Variants in PPFIA4 observed in about 807,000 individuals in gnomAD.
PPFIA4 encodes the protein PPFI scaffold protein A4.
Under a neutral mutation model 145.7 loss-of-function variants are expected in PPFIA4, and 98 were observed. The ratio of observed to expected loss-of-function variants is 0.67; its 90% CI spans 0.57 to 0.80. PPFIA4 has a LOEUF of 0.80. Ranked by LOEUF, PPFIA4 falls within the 30% of genes least tolerant of loss-of-function variation. The pLI, the probability that PPFIA4 is intolerant of heterozygous loss-of-function variation, is 0.00. For synonymous variants in PPFIA4, 628 were observed against 649.6 expected (o/e 0.97, Z 0.51); for missense variants, 1,457 against 1,632.7 (o/e 0.89, Z 1.85).
rs1662457652 is a variant in PPFIA4, at chr1:203,075,452, TC to T, written c.3394-122del. 2.8e-6 allele frequency: 2 copies of T among 726,392 alleles called. No individual in the cohort carries two copies. The highest frequency in any genetic ancestry group is 3.8e-6 in the Non-Finnish European group (2 of 521,162). The allele number at this position is 726,392 out of a possible 1,614,324, so 45.0% of individuals were successfully genotyped here. ...GGCTAGAAAGGGGAAGTGACCTCGC[TC>T]CCTCTTTCCAAAGGGGTGGGAGTGG... On this transcript the variant is annotated intron_variant, in intron 28 of 29. Coordinates refer to ENST00000295706, the MANE Select transcript of PPFIA4 (RefSeq NM_001304331.2). This position sits in a 1 kb window ranked among gnomAD's most constrained non-coding sequence, Gnocchi z 4.1.
At chr1:203,049,812 T>C (rs1558080172) in intron 13 of PPFIA4, 45 bp downstream of exon 13, 2 of 1,444,868 alleles carry the variant, frequency 1.4e-6, no homozygotes, top group Non-Finnish European at 1.8e-6. Flanking sequence ...GGGGTCCTGA[T>C]GGACCGTGAG....
At chr1:203,054,111 T>G (rs866704974) in intron 15 of PPFIA4, 150 bp downstream of exon 15, 2 of 877,328 alleles carry the variant, frequency 2.3e-6, no homozygotes, top group Non-Finnish European at 3.6e-6. Flanking sequence ...TCAGGCCCGC[T>G]GCCAGTGCCG....
intron 19 of PPFIA4, 131 bp from the exon 20 acceptor site, chr1:203,059,047 A>G (rs1161320893): frequency 1.5e-6 from 1 of 682,532 alleles, no homozygotes; most frequent in Non-Finnish European, 2.6e-6. Flanking sequence ...AGCTCCAGGA[A>G]TAATGGTCCC....
chr1:203,056,894 G>C lies in PPFIA4; in HGVS notation c.2351G>C (p.Gly784Ala). 6.2e-7 allele frequency: 1 copy of C among 1,614,088 alleles called. No homozygotes were observed. Among genetic ancestry groups the C allele is most frequent in the African/African-American group, 1.3e-5 (1 of 75,070 alleles). Residue 784 changes from glycine (G) to alanine (A), a missense_variant, in exon 19 of 30, where the codon GGG (glycine) becomes GCG (alanine). Physicochemically the swap from Gly to Ala is moderately conservative, Grantham distance 60 (BLOSUM62 0). This residue lies in a region of PPFIA4 where 848 missense variants were observed against 1,046.7 expected (regional missense o/e 0.81). Coordinates refer to ENST00000295706, the MANE Select transcript of PPFIA4 (RefSeq NM_001304331.2). ...AAGTCGTCCATTGGCCGCCTGTTTG[G>C]GAAGAAGGAGAAGGGCAGGCTGATC... is the stretch of plus-strand genomic sequence containing the variant. ...GIKSSIGRLFGKKEKGRLIQL... is the reference protein window; with the variant it reads ...GIKSSIGRLFAKKEKGRLIQL...
At position 203,055,945 on chromosome 1, in the gene PPFIA4, C is replaced by G. The variant is rs1660907121; in HGVS notation, c.2071-175C>G. ...CTTCCTTTCTTCCAGAGAAATAAGC[C>G]CTGGCTTGTTTTTCTAGGCCAGCTT... On this transcript the variant is annotated intron_variant, in intron 16 of 29. Coordinates refer to ENST00000295706, the MANE Select transcript of PPFIA4 (RefSeq NM_001304331.2). The surrounding 1 kb of genome is among the most constrained non-coding windows in gnomAD (Gnocchi z 4.8). Among the ~76,000 whole-genome samples the G allele has an allele frequency of 6.6e-6, 1 of 151,914 alleles. No individual in the cohort carries two copies.
At chr1:203,070,224 C>T (rs976285673) in intron 27 of PPFIA4, among the ~76,000 whole-genome samples, 37 of 152,140 alleles carry the variant, frequency 2.4e-4, no homozygotes, top group African/African-American at 6.7e-4. Flanking sequence ...TTCCTGACCC[C>T]GTCATTGAGC....
Position 203,047,087 on chromosome 1 carries a change from C to T in PPFIA4, c.1140+705C>T, listed in dbSNP as rs1660139370. ...GTCAGCCTCATATGGGATCTTCGAA[C>T]CCGTGGCGAGAAGAAAACCGGTGTT... On this transcript the variant is annotated intron_variant, in intron 9 of 29. Transcript: ENST00000295706. Among the ~76,000 whole-genome samples the T allele has an allele frequency of 2.0e-5, 3 of 152,274 alleles. No individual in the cohort carries two copies. In the South Asian group the frequency reaches 6.2e-4, roughly 32 times the overall value.
chr1:203,035,390 C>T, intron 1 of PPFIA4: 1 of 444,176 alleles, frequency 2.3e-6, no homozygotes, highest in Admixed American at 2.4e-5. Flanking sequence ...GCCCATCCCT[C>T]CTGTGTGTTA....
Position 203,048,344 on chromosome 1 carries a change from C to T in PPFIA4, c.1224+34C>T, listed in dbSNP as rs751335461. 3.7e-6 allele frequency: 6 copies of T among 1,601,912 alleles called. No individual in the cohort carries two copies. The highest frequency in any genetic ancestry group is 2.2e-5 in the East Asian group (1 of 44,506). On this transcript the variant is annotated intron_variant, in intron 10 of 29. Transcript: ENST00000295706. The surrounding 1 kb of genome is among the most constrained non-coding windows in gnomAD (Gnocchi z 5.8). ...ACCAGGCCGGGCCCTCAGGCCCCCT[C>T]CTTCCCGCAGGACAGGCTCCCAGGG... is the stretch of plus-strand genomic sequence containing the variant.
In PPFIA4 at chr1:203,076,446, TGA is replaced by T; in HGVS notation, c.*57_*58del. 7 of 1,514,562 alleles carry T rather than the reference TGA, an allele frequency of 4.6e-6. No homozygotes were observed. The Admixed American group carries it at 1.0e-4, about 22-fold the overall frequency. The allele number at this position is 1,514,562 out of a possible 1,614,324, so 93.8% of individuals were successfully genotyped here. A position where few individuals can be genotyped will look rare whatever the true frequency, so the allele number is the denominator to read the frequency against. Reference sequence around the variant, plus strand: ...TGGGTTTCACAGGCTCCTCTGGCCCTGACCCCTCTTGCTCGTTCCCCTTCCTT... The same window carrying T: ...TGGGTTTCACAGGCTCCTCTGGCCCTCCCCTCTTGCTCGTTCCCCTTCCTT... On this transcript the variant is annotated 3_prime_UTR_variant, in exon 30 of 30. Transcript: ENST00000295706.
chr1:203,043,377 G>A lies in PPFIA4; in HGVS notation c.235-20G>A, dbSNP rs1255089459. ...TTGGGGGTGAATCCTGAAGCACTGA[G>A]GGGCCTTGGGGGTTTTCAGGAATTT... On this transcript the variant is annotated intron_variant, in intron 2 of 29. Coordinates refer to ENST00000295706, the MANE Select transcript of PPFIA4 (RefSeq NM_001304331.2). The surrounding 1 kb of genome is among the most constrained non-coding windows in gnomAD (Gnocchi z 4.4). 4 of 1,595,930 alleles carry A rather than the reference G, an allele frequency of 2.5e-6. No individual in the cohort carries two copies. Among genetic ancestry groups the A allele is most frequent in the East Asian group, 2.3e-5 (1 of 44,298 alleles).
At chr1:203,034,545 A>AG in intron 1 of PPFIA4, 1 of 455,698 alleles carries the variant, frequency 2.2e-6, no homozygotes, top group South Asian at 1.6e-5. Flanking sequence ...CGCCTATGGG[A>AG]GTGGGGGGCA....
At chr1:203,037,835 C>A (rs1004847658) in intron 1 of PPFIA4, among the ~76,000 whole-genome samples, 1 of 152,164 alleles carries the variant, frequency 6.6e-6, no homozygotes, top group Non-Finnish European at 1.5e-5. Context: ...CTCTATATCA[C>A]CCCTGGGTTC....
intron 13 of PPFIA4, chr1:203,051,378 T>C: frequency 1.1e-6 from 1 of 941,870 alleles, no homozygotes; most frequent in Non-Finnish European, 1.3e-6. Context: ...CCTTCCAACA[T>C]CTCCCAGTGC....
Position 203,043,560 on chromosome 1 carries a change from G to A in PPFIA4, c.336+62G>A. Reference sequence around the variant, plus strand: ...TGTGTGTGTGTGTGTATGGGGGTGTGTTGTGAACACCTTGACCAAGAGAGC... The same window carrying A: ...TGTGTGTGTGTGTGTATGGGGGTGTATTGTGAACACCTTGACCAAGAGAGC... On this transcript the variant is annotated intron_variant, in intron 3 of 29. Transcript: ENST00000295706. The surrounding 1 kb of genome is among the most constrained non-coding windows in gnomAD (Gnocchi z 4.4). The A allele has an allele frequency of 7.0e-7, 1 of 1,433,236 alleles. No homozygotes were observed. The highest frequency in any genetic ancestry group is 9.6e-7 in the Non-Finnish European group (1 of 1,038,850). 88.8% of individuals were successfully genotyped at this position (1,433,236 alleles called of 1,614,324 possible).
At chr1:203,056,659 C>T (rs993512859) in intron 18 of PPFIA4, 125 bp from the exon 19 acceptor site, 1 of 1,305,444 alleles carries the variant, frequency 7.7e-7, no homozygotes, top group Non-Finnish European at 1.1e-6. Context: ...GTTCATGTGT[C>T]TCCTTTTCCC....
At chr1:203,046,150 C>T in intron 8 of PPFIA4, 98 bp from the exon 9 acceptor site, 1 of 1,525,840 alleles carries the variant, frequency 6.6e-7, no homozygotes. Context: ...TTGTCCCTTG[C>T]TGCTTCTGAC....
rs996987898 is a variant in PPFIA4, at chr1:203,078,180, G to C, written c.*1790G>C. ...GTGTTCCCTGGCCTCCCTGCCATCA[G>C]GTTGCTGGGAGTGGAGATGGAGGGA... On this transcript the variant is annotated 3_prime_UTR_variant, in exon 30 of 30. Transcript: ENST00000295706. 2 of 152,370 alleles carry C rather than the reference G, an allele frequency of 1.3e-5. No individual in the cohort carries two copies. Among genetic ancestry groups the C allele is most frequent in the African/African-American group, 2.4e-5 (1 of 41,478 alleles). 9.4% of individuals were successfully genotyped at this position (152,370 alleles called of 1,614,324 possible).
intron 1 of PPFIA4, among the ~76,000 whole-genome samples, chr1:203,033,682 A>G (rs1284367375): frequency 1.3e-5 from 2 of 152,120 alleles, no homozygotes; most frequent in African/African-American, 2.4e-5. Flanking sequence ...TGCTCTCAAG[A>G]AGGTTTAATT....
Sources: gnomAD v4.1 joint callset for allele counts (sites outside exome capture counted in the v4.1 genomes callset) on GRCh38, gnomAD v4.1.1 for gene constraint, gnomAD v4.1.1 regional missense constraint, Gnocchi (gnomAD v3.1) non-coding constraint, MANE v1.5 for transcripts, NCBI Gene and HGNC (gene_info 2026-07-23, HGNC 2026-07-21) for gene names.